NUP210: variants seen among roughly 807,000 people sequenced by gnomAD.
NUP210 encodes nuclear pore membrane glycoprotein 210.
In NUP210, 151 loss-of-function variants were observed where a neutral mutation model predicts 196.0. That is an observed-to-expected ratio of 0.77 (90% CI 0.67 to 0.88). The LOEUF is 0.88. Among genes scored for constraint, NUP210 ranks in the 40% least tolerant of loss-of-function variants. The probability of loss-of-function intolerance (pLI) is 0.00; values close to 1 mark genes in which losing one functional copy is unlikely to be tolerated. For synonymous variants in NUP210, 1,070 were observed against 1,052.7 expected (o/e 1.02, Z -0.32); for missense variants, 2,314 against 2,493.7 (o/e 0.93, Z 1.53).
intron 14 of NUP210, among the ~76,000 whole-genome samples, chr3:13,364,124 C>G (rs1279808864): frequency 1.3e-5 from 2 of 152,146 alleles, no homozygotes; most frequent in Admixed American, 6.5e-5. Context: ...CCTTCATGCT[C>G]TACTTTTTTC....
intron 1 of NUP210, among the ~76,000 whole-genome samples, chr3:13,415,951 CG>C (rs1052661948): frequency 2.6e-5 from 4 of 152,158 alleles, no homozygotes; most frequent in Non-Finnish European, 1.5e-5. Context: ...GACATCCACA[CG>C]CAAGGGTAGT....
chr3:13,374,433 C>T (rs1388664030), intron 11 of NUP210, among the ~76,000 whole-genome samples: 1 of 152,206 alleles, frequency 6.6e-6, no homozygotes, highest in Non-Finnish European at 1.5e-5. Context: ...GCCACTTCCT[C>T]ACTGACACAC....
intron 13 of NUP210, 116 bp from the exon 14 acceptor site, chr3:13,366,207 C>G: frequency 4.2e-6 from 4 of 958,238 alleles, no homozygotes; most frequent in Non-Finnish European, 6.1e-6. Flanking sequence ...TGGCTCACTG[C>G]GACCTCCGCC....
At chr3:13,412,569 C>T (rs1392741008) in intron 1 of NUP210, among the ~76,000 whole-genome samples, 2 of 151,858 alleles carry the variant, frequency 1.3e-5, no homozygotes, top group African/African-American at 4.8e-5. Context: ...CAAAAATTAG[C>T]CGGGCATGGT....
At chr3:13,360,852 T>C (rs935133643) in intron 14 of NUP210, among the ~76,000 whole-genome samples, 4 of 152,212 alleles carry the variant, frequency 2.6e-5, no homozygotes, top group Non-Finnish European at 4.4e-5. Context: ...AACATGTCAA[T>C]GTACAGACAG....
At chr3:13,375,808 G>A (rs1319978064) in intron 10 of NUP210, among the ~76,000 whole-genome samples, 167 bp from the exon 11 acceptor site, 2 of 152,168 alleles carry the variant, frequency 1.3e-5, no homozygotes, top group Non-Finnish European at 2.9e-5. Flanking sequence ...CTTTCTCCAC[G>A]GGGATGGCTT....
chr3:13,370,416 C>T (rs1698691027), intron 13 of NUP210, among the ~76,000 whole-genome samples: 1 of 152,182 alleles, frequency 6.6e-6, no homozygotes, highest in African/African-American at 2.4e-5. Flanking sequence ...CTCAGAGAGG[C>T]TAGGCAGCAC....
At position 13,323,219 on chromosome 3, in the gene NUP210, A is replaced by C; in HGVS notation, c.4768+90T>G. 6.6e-7 allele frequency: 1 copy of C among 1,522,362 alleles called. No homozygotes were observed. The allele number at this position is 1,522,362 out of a possible 1,614,324, so 94.3% of individuals were successfully genotyped here. Reference sequence around the variant, plus strand: ...TGGAGTTGGTGTGAGTGTGAATAGGAGAAGCAGATAAACTCCATCCAGAGG... The same window carrying C: ...TGGAGTTGGTGTGAGTGTGAATAGGCGAAGCAGATAAACTCCATCCAGAGG... On this transcript the variant is annotated intron_variant, in intron 34 of 39. Transcript: ENST00000254508. This position sits in a 1 kb window ranked among gnomAD's most constrained non-coding sequence, Gnocchi z 4.3.
intron 13 of NUP210, among the ~76,000 whole-genome samples, chr3:13,366,968 T>C (rs1455449088): frequency 7.0e-6 from 1 of 142,128 alleles, no homozygotes; most frequent in Non-Finnish European, 1.5e-5. Context: ...CTACTAAAAA[T>C]ACAAAAAATT....
chr3:13,330,566 T>C lies in NUP210; in HGVS notation c.4004A>G (p.Asp1335Gly). The change falls in exon 30 of 40, where the codon GAT (aspartate) becomes GGT (glycine). Residue 1335 changes from aspartate to glycine, a missense_variant. Transcript: ENST00000254508. ...GPEKVPVVHV[D>G]EKGFLASGSM... ...CCCTGATGCTAGAAAGCCTTTCTCA[T>C]CAACATGCACAACTGGAACCTTTTC... The C allele has an allele frequency of 6.2e-7, 1 of 1,614,216 alleles. No individual in the cohort carries two copies. The highest frequency in any genetic ancestry group is 8.5e-7 in the Non-Finnish European group (1 of 1,180,034).
intron 3 of NUP210, among the ~76,000 whole-genome samples, chr3:13,392,787 G>A (rs1699533346): frequency 6.6e-6 from 1 of 152,336 alleles, no homozygotes; most frequent in South Asian, 2.1e-4. Context: ...CTGTCCGGGG[G>A]CAGAGCCAGC....
chr3:13,326,360 C>CA (rs5846807), intron 32 of NUP210, among the ~76,000 whole-genome samples: 152,352 of 152,354 alleles, frequency 1, 76,175 homozygotes, highest in Middle Eastern at 1. Context: ...TCCTTTTTAG[C>CA]AACAGACAGC....
At chr3:13,332,562 G>A (rs1015603584) in intron 28 of NUP210, among the ~76,000 whole-genome samples, 178 bp from the exon 29 acceptor site, 1 of 151,600 alleles carries the variant, frequency 6.6e-6, no homozygotes, top group Non-Finnish European at 1.5e-5. Flanking sequence ...GAGGCCAAAG[G>A]TGTGGCCGGG....
rs113186335 is a variant in NUP210, at chr3:13,322,122, G to A, written c.4915+71C>T. On this transcript the variant is annotated intron_variant, in intron 35 of 39. Transcript: ENST00000254508. ...GACGGCCATGGTGAGCTGGGCACGTGGAAGCCGCAAGATGCCCAGAAGACA... is the reference window on the plus strand; with the variant it reads ...GACGGCCATGGTGAGCTGGGCACGTAGAAGCCGCAAGATGCCCAGAAGACA... The A allele has an allele frequency of 1.5e-4, 229 of 1,562,374 alleles. 2 individuals carry two copies. The African/African-American group carries it at 2.8e-3, about 19-fold the overall frequency.
intron 36 of NUP210, among the ~76,000 whole-genome samples, chr3:13,320,632 C>CA (rs35982089): frequency 0.45 from 30,161 of 67,280 alleles, 6,908 homozygotes; most frequent in East Asian, 0.7. Context: ...GACTCCGTCT[C>CA]AAAAAAAAAA....
intron 1 of NUP210, among the ~76,000 whole-genome samples, chr3:13,409,900 G>A (rs186117318): frequency 4.0e-4 from 60 of 150,272 alleles, no homozygotes; most frequent in Non-Finnish European, 6.8e-4. Flanking sequence ...GCAGTGGTAC[G>A]ATCTAGGCTC....
chr3:13,412,824 A>G (rs1700221878), intron 1 of NUP210, among the ~76,000 whole-genome samples: 2 of 147,028 alleles, frequency 1.4e-5, no homozygotes, highest in African/African-American at 5.1e-5. Context: ...ACAAAAAATT[A>G]GCTGGGCATG....
At position 13,348,625 on chromosome 3, in the gene NUP210, T is replaced by C. The variant is rs1697844075; in HGVS notation, c.2835+3254A>G. The stretch of plus-strand genomic sequence containing the variant: ...AGCTGGGGAATTGTTCTTTCTTCTA[T>C]GAGGGGATAAGAATGCTTAGGAGAC... On this transcript the variant is annotated intron_variant, in intron 20 of 39. Transcript: ENST00000254508. This position sits in a 1 kb window ranked among gnomAD's most constrained non-coding sequence, Gnocchi z 4.0. The C allele has an allele frequency of 2.0e-6, 2 of 985,458 alleles. No homozygotes were observed. The highest frequency in any genetic ancestry group is 2.4e-6 in the Non-Finnish European group (2 of 829,932). 61.0% of individuals were successfully genotyped at this position (985,458 alleles called of 1,614,324 possible).
chr3:13,331,095 A>G (rs912528547), intron 29 of NUP210, among the ~76,000 whole-genome samples: 1 of 152,168 alleles, frequency 6.6e-6, no homozygotes, highest in African/African-American at 2.4e-5. Flanking sequence ...AGCTGTGTGC[A>G]CATTATGTCC....
Sources: allele counts gnomAD v4.1 joint callset (sites outside exome capture counted in the v4.1 genomes callset), GRCh38; gene constraint gnomAD v4.1.1; non-coding constraint Gnocchi (gnomAD v3.1); transcripts MANE v1.5; gene names NCBI Gene and HGNC (gene_info 2026-07-23, HGNC 2026-07-21).